The following PCDH11X variants were observed in gnomAD, a reference collection of about 807,000 sequenced individuals.
PCDH11X encodes protocadherin-11 X-linked.
A neutral mutation model predicts 53.3 loss-of-function variants in PCDH11X; 18 were observed. The observed-to-expected ratio is 0.34, with a 90% CI of 0.23 to 0.50. The LOEUF (loss-of-function observed/expected upper bound fraction) is 0.50. Among genes scored for constraint, PCDH11X ranks in the 20% least tolerant of loss-of-function variants. The probability of loss-of-function intolerance (pLI) is 0.98; values close to 1 mark genes in which losing one functional copy is unlikely to be tolerated. For missense variants in PCDH11X, 570 were observed against 1,032.4 expected, an observed-to-expected ratio of 0.55 and a Z score of 6.14; for synonymous variants, 279 against 393.3, an observed-to-expected ratio of 0.71 and a Z score of 3.44.
chrX:91,781,254 C>A (rs1935128676), intron 1 of PCDH11X, among the ~76,000 whole-genome samples: 1 of 107,996 alleles, frequency 9.3e-6, no homozygotes, highest in Non-Finnish European at 1.9e-5. Context: ...AGCCTAGGAT[C>A]TGTTTGTACG....
intron 6 of PCDH11X, among the ~76,000 whole-genome samples, chrX:92,005,597 T>C (rs2062585885): frequency 8.9e-6 from 1 of 112,128 alleles, no homozygotes; most frequent in African/African-American, 3.2e-5. Flanking sequence ...TTTTGATGGG[T>C]TCATCTTTTT....
intron 8 of PCDH11X, among the ~76,000 whole-genome samples, chrX:92,286,608 C>T (rs1165000307): frequency 2.1e-5 from 2 of 95,521 alleles, no homozygotes; most frequent in African/African-American, 3.8e-5. Context: ...AATGGGCTTT[C>T]ATATTTTTGA....
chrX:91,826,066 A>T (rs1936912847), intron 4 of PCDH11X, among the ~76,000 whole-genome samples: 1 of 111,261 alleles, frequency 9.0e-6, no homozygotes, highest in Admixed American at 9.6e-5. Context: ...TCTCACATGT[A>T]GCAAGGTTAT....
chrX:92,275,168 G>A (rs1469174167), intron 8 of PCDH11X, among the ~76,000 whole-genome samples: 1 of 103,468 alleles, frequency 9.7e-6, no homozygotes, highest in East Asian at 2.9e-4. Context: ...GCAGACCTGA[G>A]GGCTAGGCTA....
rs757923840 is a variant in PCDH11X, at chrX:92,328,072, A to G, written c.3145-59663A>G. ...ACAACAAAGAAACCAAACAAAATGT[A>G]TGAAACAATGGTTCTCAACATATCA... On this transcript the variant is annotated intron_variant, in intron 8 of 10. Transcript: ENST00000682573. Among the ~76,000 whole-genome samples the G allele has an allele frequency of 5.4e-5, 6 of 110,292 alleles. No individual in the cohort carries two copies. In the South Asian group the frequency reaches 2.4e-3, roughly 43 times the overall value.
At chrX:92,344,034 G>A (rs2069830649) in intron 8 of PCDH11X, among the ~76,000 whole-genome samples, 1 of 108,927 alleles carries the variant, frequency 9.2e-6, no homozygotes, top group Admixed American at 1.0e-4. Context: ...TCTATATATA[G>A]TAGGAACTCA....
intron 9 of PCDH11X, among the ~76,000 whole-genome samples, chrX:92,428,695 G>A (rs1289465834): frequency 2.6e-4 from 29 of 110,627 alleles, no homozygotes; most frequent in South Asian, 7.6e-4. Context: ...GTATGGTTGT[G>A]CTATCTGAAA....
intron 9 of PCDH11X, among the ~76,000 whole-genome samples, chrX:92,398,435 GA>G (rs778434430): frequency 3.6e-5 from 4 of 109,807 alleles, no homozygotes; most frequent in African/African-American, 9.9e-5. Context: ...TTTGCAGAAA[GA>G]AAAAAAAAGT....
chrX:92,414,079 T>C (rs1273722785), intron 9 of PCDH11X, among the ~76,000 whole-genome samples: 1 of 108,867 alleles, frequency 9.2e-6, no homozygotes, highest in Non-Finnish European at 1.9e-5. Context: ...TATCAGGTAC[T>C]TGGTTAAAAC....
chrX:91,931,464 T>C (rs1319883171), intron 6 of PCDH11X, among the ~76,000 whole-genome samples: 1 of 110,991 alleles, frequency 9.0e-6, no homozygotes, highest in African/African-American at 3.3e-5. Context: ...TGAGCCATCT[T>C]ATGAAGCAGG....
At chrX:92,109,860 C>A (rs768998621) in intron 6 of PCDH11X, among the ~76,000 whole-genome samples, 1 of 112,426 alleles carries the variant, frequency 8.9e-6, no homozygotes, top group South Asian at 3.6e-4. Context: ...AGGTTAGAAG[C>A]AAGATGGAGT....
At chrX:92,120,306 C>A (rs1209159636) in intron 6 of PCDH11X, among the ~76,000 whole-genome samples, 1 of 110,256 alleles carries the variant, frequency 9.1e-6, no homozygotes, top group African/African-American at 3.3e-5. Context: ...ATTACAGGCA[C>A]CTACAACCAC....
chrX:92,124,499 C>T (rs1008207989), intron 6 of PCDH11X, among the ~76,000 whole-genome samples: 1 of 107,092 alleles, frequency 9.3e-6, no homozygotes, highest in Non-Finnish European at 1.9e-5. Context: ...GAGGTGAGAT[C>T]GCACCACTGC....
rs1032808427 is a variant in PCDH11X, at chrX:92,316,902, G to A, written c.3144+53759G>A. Among the ~76,000 whole-genome samples, 3 of 110,259 alleles carry A rather than the reference G, an allele frequency of 2.7e-5. No homozygotes were observed. The Admixed American group carries it at 2.9e-4, about 11-fold the overall frequency. On this transcript the variant is annotated intron_variant, in intron 8 of 10. Coordinates refer to ENST00000682573, the MANE Select transcript of PCDH11X (RefSeq NM_032968.5). ...TGTAGTCATTAAAGAACCAATGCAT[G>A]ATAGACATTTATTCACTGTGCCTTT...
At chrX:91,864,237 T>C (rs1412120247) in intron 5 of PCDH11X, among the ~76,000 whole-genome samples, 1 of 110,036 alleles carries the variant, frequency 9.1e-6, no homozygotes, top group Non-Finnish European at 1.9e-5. Flanking sequence ...TCCTTCATGT[T>C]TGAAGGATAT....
intron 6 of PCDH11X, among the ~76,000 whole-genome samples, chrX:91,900,390 A>G (rs1329151217): frequency 1.8e-5 from 2 of 110,804 alleles, no homozygotes; most frequent in Non-Finnish European, 3.8e-5. Context: ...CTAGTAGGTT[A>G]CTAGGGGTGA....
chrX:91,904,835 T>A (rs1341108588), intron 6 of PCDH11X, among the ~76,000 whole-genome samples: 2 of 109,953 alleles, frequency 1.8e-5, no homozygotes, highest in Non-Finnish European at 3.8e-5. Flanking sequence ...CATAAATCCC[T>A]TTGTGCACCG....
chrX:92,569,677 G>A (rs1426168515), intron 10 of PCDH11X: 5 of 208,456 alleles, frequency 2.4e-5, no homozygotes, highest in Non-Finnish European at 4.5e-5. Context: ...TCCACTGTAT[G>A]CCTTCCATTG....
At chrX:92,249,312 A>T (rs2067413792) in intron 7 of PCDH11X, among the ~76,000 whole-genome samples, 1 of 111,813 alleles carries the variant, frequency 8.9e-6, no homozygotes, top group African/African-American at 3.2e-5. Flanking sequence ...GCTTTAATAG[A>T]CACAATATAC....
Sources: gnomAD v4.1 joint callset for allele counts (sites outside exome capture counted in the v4.1 genomes callset) on GRCh38, gnomAD v4.1.1 for gene constraint, MANE v1.5 for transcripts, NCBI Gene and HGNC (gene_info 2026-07-23, HGNC 2026-07-21) for gene names.